The following TFPI variants were observed in gnomAD, a reference collection of about 807,000 sequenced individuals.
TFPI encodes tissue factor pathway inhibitor, also known as anti-convertin.
TFPI carries 15 observed loss-of-function variants against 34.6 expected under a neutral mutation model. The observed-to-expected ratio is 0.43, with a 90% CI of 0.29 to 0.67. TFPI has a LOEUF of 0.67. Among genes scored for constraint, TFPI ranks in the 30% least tolerant of loss-of-function variants. TFPI has a pLI of 0.15. For missense variants in TFPI, 301 were observed against 364.0 expected (o/e 0.83, Z 1.41); for synonymous variants, 105 against 120.1 (o/e 0.87, Z 0.82).
chr2:187,552,174 A>C, intron 1 of TFPI, among the ~76,000 whole-genome samples: 1 of 151,806 alleles, frequency 6.6e-6, no homozygotes, highest in East Asian at 1.9e-4. Context: ...TATTAGGTAG[A>C]GATATCAGTT....
intron 1 of TFPI, chr2:187,526,932 A>AT (rs1464341450): frequency 2.0e-5 from 3 of 152,144 alleles, no homozygotes; most frequent in Admixed American, 1.3e-4. Flanking sequence ...AGCAGTGGCT[A>AT]ATGTTGTTGT....
chr2:187,547,322 CA>C (rs2106326605), intron 1 of TFPI, among the ~76,000 whole-genome samples: 1 of 152,184 alleles, frequency 6.6e-6, no homozygotes, highest in East Asian at 1.9e-4. Context: ...GTTATAGTTT[CA>C]AATATTAGCT....
chr2:187,527,567 G>T (rs1687743305), intron 1 of TFPI, among the ~76,000 whole-genome samples: 1 of 152,072 alleles, frequency 6.6e-6, no homozygotes, highest in African/African-American at 2.4e-5. Flanking sequence ...TCCCTGTTGG[G>T]TCCCACATTT....
At chr2:187,498,266 A>G (rs991591453) in intron 2 of TFPI, among the ~76,000 whole-genome samples, 1 of 151,838 alleles carries the variant, frequency 6.6e-6, no homozygotes, top group Non-Finnish European at 1.5e-5. Context: ...TCAGTTTTAA[A>G]TTTCCTGTAA....
intron 1 of TFPI, chr2:187,527,079 C>T (rs7603416): frequency 0.68 from 103,265 of 151,968 alleles, 35,776 homozygotes; most frequent in East Asian, 0.84. Context: ...TTGTTTTATT[C>T]TATTTTGATT....
chr2:187,512,665 T>TTA (rs1468728930), intron 1 of TFPI, among the ~76,000 whole-genome samples: 1 of 152,132 alleles, frequency 6.6e-6, no homozygotes, highest in African/African-American at 2.4e-5. Flanking sequence ...GTAACATATA[T>TTA]TATAGTAACT....
At chr2:187,544,885 C>T (rs370240948) in intron 1 of TFPI, among the ~76,000 whole-genome samples, 1 of 152,120 alleles carries the variant, frequency 6.6e-6, no homozygotes, top group Non-Finnish European at 1.5e-5. Flanking sequence ...GAGGCCAAGG[C>T]GGGCGGATCA....
At chr2:187,496,471 C>T (rs900179634) in intron 3 of TFPI, among the ~76,000 whole-genome samples, 4 of 152,000 alleles carry the variant, frequency 2.6e-5, no homozygotes, top group Non-Finnish European at 4.4e-5. Context: ...CTTCACAATT[C>T]TTTGAACATG....
At chr2:187,504,566 G>GAAAAAAAAAAAA (rs71017396) in intron 1 of TFPI, among the ~76,000 whole-genome samples, 1 of 123,904 alleles carries the variant, frequency 8.1e-6, no homozygotes, top group African/African-American at 3.1e-5. Context: ...CGCCAAAAAG[G>GAAAAAAAAAAAA]AAAAAAAAAA....
At chr2:187,481,206 T>G (rs935617253) in intron 6 of TFPI, among the ~76,000 whole-genome samples, 1 of 152,110 alleles carries the variant, frequency 6.6e-6, no homozygotes, top group Non-Finnish European at 1.5e-5. Context: ...GTACATTGAA[T>G]TGAAACTTTA....
intron 1 of TFPI, among the ~76,000 whole-genome samples, chr2:187,552,098 C>T (rs1689117851): frequency 6.6e-6 from 1 of 151,962 alleles, no homozygotes; most frequent in Non-Finnish European, 1.5e-5. Flanking sequence ...TAATTTTCTT[C>T]ACTTTTCATA....
intron 1 of TFPI, among the ~76,000 whole-genome samples, chr2:187,544,067 A>G (rs901618537): frequency 6.6e-5 from 10 of 152,318 alleles, no homozygotes; most frequent in Non-Finnish European, 1.3e-4. Context: ...AATTTAAGCT[A>G]ATTATTTATG....
In TFPI at chr2:187,465,410, T is replaced by A. The variant is rs4667166; in HGVS notation, c.*1526A>T. 0.48 allele frequency: 71,104 copies of A among 148,234 alleles called. 17,357 individuals carry two copies. The highest frequency in any genetic ancestry group is 0.58 in the African/African-American group (23,165 of 40,044). The allele number at this position is 148,234 out of a possible 1,614,324, so 9.2% of individuals were successfully genotyped here. On this transcript the variant is annotated 3_prime_UTR_variant, in exon 8 of 8. Transcript: ENST00000233156. ...CCCAGCTAGGTGGGAGGTTTCAGTG[T>A]CCTGTGATTGCACCACTGCACTCCA...
At chr2:187,479,573 A>T (rs1269387784) in intron 6 of TFPI, among the ~76,000 whole-genome samples, 2 of 140,084 alleles carry the variant, frequency 1.4e-5, no homozygotes, top group Non-Finnish European at 3.1e-5. Context: ...ATATATATAT[A>T]TATATATATA....
At chr2:187,516,760 CT>C (rs1687031007) in intron 1 of TFPI, 2 of 152,212 alleles carry the variant, frequency 1.3e-5, no homozygotes, top group South Asian at 4.1e-4. Context: ...AGATCCACCC[CT>C]GACCTAACCG....
chr2:187,527,634 T>C (rs942294477), intron 1 of TFPI, among the ~76,000 whole-genome samples: 1 of 152,174 alleles, frequency 6.6e-6, no homozygotes, highest in African/African-American at 2.4e-5. Flanking sequence ...TCTTTATATA[T>C]GACATAAAAT....
chr2:187,524,823 A>G (rs755290461), intron 1 of TFPI, among the ~76,000 whole-genome samples: 1 of 152,066 alleles, frequency 6.6e-6, no homozygotes, highest in Non-Finnish European at 1.5e-5. Flanking sequence ...ACATTTTTTA[A>G]ATTTTGCTGA....
At chr2:187,522,753 C>T (rs1200641201) in intron 1 of TFPI, among the ~76,000 whole-genome samples, 1 of 145,808 alleles carries the variant, frequency 6.9e-6, no homozygotes, top group African/African-American at 2.5e-5. Context: ...AACCCAGGCA[C>T]GGTGGTGGGC....
intron 3 of TFPI, among the ~76,000 whole-genome samples, chr2:187,490,004 C>T (rs983462907): frequency 3.3e-5 from 5 of 151,530 alleles, no homozygotes; most frequent in Non-Finnish European, 7.4e-5. Flanking sequence ...CATTCTAGTA[C>T]TCTTTTGAAT....
Sources: allele counts gnomAD v4.1 joint callset (sites outside exome capture counted in the v4.1 genomes callset), GRCh38; gene constraint gnomAD v4.1.1; transcripts MANE v1.5; gene names NCBI Gene and HGNC (gene_info 2026-07-23, HGNC 2026-07-21).